Variants in UMAD1 observed in about 807,000 individuals in gnomAD.
UMAD1 encodes UBAP1-MVB12-associated (UMA)-domain containing protein 1.
In UMAD1, 8 loss-of-function variants were observed where a neutral mutation model predicts 6.1. That is an observed-to-expected ratio of 1.30 (90% CI 0.76 to 2.35). UMAD1 has a LOEUF of 2.35. UMAD1 is among the 30% of genes most tolerant of loss of function. The pLI, the probability that UMAD1 is intolerant of heterozygous loss-of-function variation, is 0.00. For missense variants in UMAD1, 130 were observed against 78.4 expected, an observed-to-expected ratio of 1.66 and a Z score of -2.49; for synonymous variants, 56 against 31.4, an observed-to-expected ratio of 1.78 and a Z score of -2.61.
chr7:7,823,677 AC>A (rs1783286807), intron 3 of UMAD1, among the ~76,000 whole-genome samples: 1 of 152,154 alleles, frequency 6.6e-6, no homozygotes, highest in Non-Finnish European at 1.5e-5. Flanking sequence ...TTTTTGAAAA[AC>A]ATATTAGCGT....
At chr7:7,722,256 A>G (rs1272971768) in intron 2 of UMAD1, among the ~76,000 whole-genome samples, 1 of 151,512 alleles carries the variant, frequency 6.6e-6, no homozygotes, top group Non-Finnish European at 1.5e-5. Flanking sequence ...TGACTAATAT[A>G]GATTTTGGTA....
At chr7:7,657,432 T>C (rs541524471) in intron 1 of UMAD1, among the ~76,000 whole-genome samples, 1 of 152,360 alleles carries the variant, frequency 6.6e-6, no homozygotes, top group South Asian at 2.1e-4. Flanking sequence ...CTTCTAGGGT[T>C]TTTATGATTT....
At chr7:7,772,901 TA>T (rs1782128961) in intron 2 of UMAD1, among the ~76,000 whole-genome samples, 1 of 151,850 alleles carries the variant, frequency 6.6e-6, no homozygotes, top group African/African-American at 2.4e-5. Context: ...AAGCCTTTTT[TA>T]TTTTTTTTTA....
At chr7:7,650,736 C>T (rs4720749) in intron 1 of UMAD1, among the ~76,000 whole-genome samples, 46,700 of 152,164 alleles carry the variant, frequency 0.31, 9,140 homozygotes, top group East Asian at 0.79. Flanking sequence ...GCATCCTGAA[C>T]CCAGAATGGT....
chr7:7,752,756 GATAA>G (rs1453657361), intron 2 of UMAD1, among the ~76,000 whole-genome samples: 6 of 152,046 alleles, frequency 3.9e-5, no homozygotes, highest in Middle Eastern at 3.4e-3. Flanking sequence ...AGGTTTGTTG[GATAA>G]ATAAAAATAA....
chr7:7,669,909 A>G (rs1156987450), intron 1 of UMAD1, among the ~76,000 whole-genome samples: 3 of 151,876 alleles, frequency 2.0e-5, no homozygotes, highest in Non-Finnish European at 4.4e-5. Flanking sequence ...TGACTTTTGG[A>G]GCCTAAATTA....
intron 1 of UMAD1, among the ~76,000 whole-genome samples, chr7:7,651,499 C>T (rs1488671226): frequency 6.6e-6 from 1 of 152,226 alleles, no homozygotes; most frequent in Non-Finnish European, 1.5e-5. Context: ...TCGTATTTTC[C>T]TGCCTCCTGT....
chr7:7,733,500 T>G (rs1217403706), intron 2 of UMAD1, among the ~76,000 whole-genome samples: 1 of 151,022 alleles, frequency 6.6e-6, no homozygotes, highest in African/African-American at 2.4e-5. Flanking sequence ...TTAGAATAGA[T>G]GTTGCTCATG....
intron 3 of UMAD1, among the ~76,000 whole-genome samples, chr7:7,812,544 CAT>C (rs1783040010): frequency 1.3e-5 from 2 of 152,136 alleles, no homozygotes; most frequent in Non-Finnish European, 1.5e-5. Flanking sequence ...TGGAGATACA[CAT>C]GTGTTAATTA....
chr7:7,803,471 A>G (rs567822483), intron 3 of UMAD1, among the ~76,000 whole-genome samples: 105 of 152,334 alleles, frequency 6.9e-4, no homozygotes, highest in African/African-American at 2.5e-3. Flanking sequence ...CATCTCTGAT[A>G]GGAAATAAAA....
chr7:7,753,657 C>G, intron 2 of UMAD1, among the ~76,000 whole-genome samples: 1 of 152,172 alleles, frequency 6.6e-6, no homozygotes, highest in Admixed American at 6.5e-5. Flanking sequence ...ACCACGTTTT[C>G]TCTATCCGTT....
intron 2 of UMAD1, among the ~76,000 whole-genome samples, chr7:7,790,167 T>C (rs955250668): frequency 6.6e-6 from 1 of 152,220 alleles, no homozygotes; most frequent in South Asian, 2.1e-4. Flanking sequence ...ATATCTGGGA[T>C]ATTTTGATTC....
chr7:7,788,297 A>C (rs1425377130), intron 2 of UMAD1, among the ~76,000 whole-genome samples: 1 of 152,214 alleles, frequency 6.6e-6, no homozygotes. Context: ...AAGCATGAAG[A>C]TTGAGTACAT....
At chr7:7,691,347 T>C (rs1042582955) in intron 2 of UMAD1, among the ~76,000 whole-genome samples, 4 of 152,358 alleles carry the variant, frequency 2.6e-5, no homozygotes, top group African/African-American at 9.6e-5. Flanking sequence ...GTCGTCATCA[T>C]TATTTTATAT....
intron 3 of UMAD1, among the ~76,000 whole-genome samples, chr7:7,845,442 C>T (rs1334201977): frequency 6.6e-6 from 1 of 152,028 alleles, no homozygotes; most frequent in East Asian, 1.9e-4. Flanking sequence ...TGCTTTAGGT[C>T]ACATAGCATT....
At chr7:7,650,710 C>T (rs1282781554) in intron 1 of UMAD1, among the ~76,000 whole-genome samples, 1 of 152,258 alleles carries the variant, frequency 6.6e-6, no homozygotes, top group African/African-American at 2.4e-5. Context: ...CCTTGATTTA[C>T]TAATCCAGCC....
At chr7:7,699,050 G>C (rs886970455) in intron 2 of UMAD1, among the ~76,000 whole-genome samples, 2 of 53,554 alleles carry the variant, frequency 3.7e-5, no homozygotes, top group African/African-American at 7.4e-5. Flanking sequence ...GTGTGTGTGT[G>C]GGGGGGGGGT....
Position 7,770,830 on chromosome 7 carries a change from T to C in UMAD1, c.83-30840T>C, listed in dbSNP as rs117044755. Among the ~76,000 whole-genome samples the C allele has an allele frequency of 5.5e-4, 84 of 152,244 alleles. 1 individual carries two copies. Among genetic ancestry groups the C allele is most frequent in the East Asian group, 3.9e-3 (20 of 5,178 alleles). Reference sequence around the variant, plus strand: ...GTCTGGAAGTGTTGAGGTGAACTGCTCTTGGACATCTAGTTGGAGAAATCA... The same window carrying C: ...GTCTGGAAGTGTTGAGGTGAACTGCCCTTGGACATCTAGTTGGAGAAATCA... On this transcript the variant is annotated intron_variant, in intron 2 of 3. Transcript: ENST00000682710.
At chr7:7,762,381 A>G (rs1211423611) in intron 2 of UMAD1, among the ~76,000 whole-genome samples, 1 of 152,194 alleles carries the variant, frequency 6.6e-6, no homozygotes, top group Non-Finnish European at 1.5e-5. Context: ...TAATATTTTC[A>G]TTCGAGGTTT....
Sources: allele counts gnomAD v4.1 joint callset (sites outside exome capture counted in the v4.1 genomes callset), GRCh38; gene constraint gnomAD v4.1.1; transcripts MANE v1.5; gene names NCBI Gene and HGNC (gene_info 2026-07-23, HGNC 2026-07-21).